AKAP10: variants seen among roughly 807,000 people sequenced by gnomAD.
AKAP10 encodes the protein A-kinase anchor protein 10, mitochondrial.
In AKAP10, 24 loss-of-function variants were observed where a neutral mutation model predicts 80.8. That is an observed-to-expected ratio of 0.30 (90% CI 0.22 to 0.42). The LOEUF (loss-of-function observed/expected upper bound fraction) is 0.42, where lower values mean the gene tolerates loss of function less well. Ranked by LOEUF, AKAP10 falls within the 10% of genes least tolerant of loss-of-function variation. AKAP10 has a pLI of 1.00. For missense variants in AKAP10, 661 were observed against 794.9 expected, an observed-to-expected ratio of 0.83 and a Z score of 2.03; for synonymous variants, 291 against 277.7, an observed-to-expected ratio of 1.05 and a Z score of -0.48.
chr17:19,948,512 A>C (rs2043161058), intron 4 of AKAP10, among the ~76,000 whole-genome samples: 1 of 152,132 alleles, frequency 6.6e-6, no homozygotes, highest in African/African-American at 2.4e-5. Flanking sequence ...AGCAGCTCCA[A>C]GAATCCTACT....
chr17:19,910,018 T>C (rs773890874), intron 12 of AKAP10, 40 bp from the exon 13 acceptor site: 1 of 1,589,848 alleles, frequency 6.3e-7, no homozygotes, highest in South Asian at 1.1e-5. Flanking sequence ...ATTTCATGCA[T>C]AATTTTACAT....
Position 19,904,868 on chromosome 17 carries a change from A to G in AKAP10, c.*1359T>C, listed in dbSNP as rs1348706902. The G allele has an allele frequency of 6.6e-6, 1 of 152,068 alleles. No homozygotes were observed. The highest frequency in any genetic ancestry group is 1.5e-5 in the Non-Finnish European group (1 of 68,018). The allele number at this position is 152,068 out of a possible 1,614,324, so 9.4% of individuals were successfully genotyped here. A position where few individuals can be genotyped will look rare whatever the true frequency, so the allele number is the denominator to read the frequency against. ...TTTAAAAGAATAACAGAGGTGGTACATAGTACCAAAAACTTACACAAAGCC... is the reference window on the plus strand; with the variant it reads ...TTTAAAAGAATAACAGAGGTGGTACGTAGTACCAAAAACTTACACAAAGCC... On this transcript the variant is annotated 3_prime_UTR_variant, in exon 15 of 15. Transcript: ENST00000225737.
intron 12 of AKAP10, among the ~76,000 whole-genome samples, chr17:19,912,613 G>A (rs977738296): frequency 6.6e-6 from 1 of 152,140 alleles, no homozygotes; most frequent in African/African-American, 2.4e-5. Flanking sequence ...AGCTACTCGA[G>A]AGGCTGAGGC....
At position 19,916,762 on chromosome 17, in the gene AKAP10, C is replaced by T. The variant is rs1370518295; in HGVS notation, c.1834+3274G>A. On this transcript the variant is annotated intron_variant, in intron 12 of 14. Coordinates refer to ENST00000225737, the MANE Select transcript of AKAP10 (RefSeq NM_007202.4). ...ACCATCCTGGCTAATGCGGTGAAAC[C>T]CCGTCTCTTCTAAAAATACAAAAAA... Among the ~76,000 whole-genome samples the T allele has an allele frequency of 1.2e-4, 18 of 150,498 alleles. No individual in the cohort carries two copies. In the Admixed American group the frequency reaches 1.2e-3, roughly 10 times the overall value.
intron 4 of AKAP10, among the ~76,000 whole-genome samples, chr17:19,952,984 G>A (rs1019882343): frequency 6.6e-6 from 1 of 152,014 alleles, no homozygotes. Context: ...TCTTTATACT[G>A]TATGTGGTAT....
At chr17:19,973,297 C>T (rs776009482) in intron 1 of AKAP10, among the ~76,000 whole-genome samples, 2 of 152,162 alleles carry the variant, frequency 1.3e-5, no homozygotes, top group Non-Finnish European at 1.5e-5. Flanking sequence ...AAAGTTTTAT[C>T]GTAGCACAGC....
At chr17:19,946,155 T>C (rs1336002690) in intron 5 of AKAP10, among the ~76,000 whole-genome samples, 2 of 114,376 alleles carry the variant, frequency 1.7e-5, no homozygotes, top group Non-Finnish European at 3.5e-5. Flanking sequence ...TTAGTATATA[T>C]ACTAATATAT....
intron 1 of AKAP10, among the ~76,000 whole-genome samples, chr17:19,969,988 G>C (rs765203876): frequency 8.5e-5 from 13 of 152,062 alleles, no homozygotes; most frequent in Non-Finnish European, 1.9e-4. Flanking sequence ...ATATACATCT[G>C]TATTTCCTGG....
intron 9 of AKAP10, among the ~76,000 whole-genome samples, chr17:19,932,960 G>A (rs1007267318): frequency 6.6e-6 from 1 of 152,128 alleles, no homozygotes; most frequent in South Asian, 2.1e-4. Flanking sequence ...ATAAACATGA[G>A]AACTTATTCA....
chr17:19,963,035 A>C lies in AKAP10; in HGVS notation c.137-13T>G. 1 of 1,587,740 alleles carries C rather than the reference A, an allele frequency of 6.3e-7. No individual in the cohort carries two copies. Among genetic ancestry groups the C allele is most frequent in the Non-Finnish European group, 8.6e-7 (1 of 1,161,200 alleles). ...ACGGATATTGAAGCTATAATTTTTC[A>C]AAAAATTGTTAAGAATTAAACACAA... On this transcript the variant is annotated splice_polypyrimidine_tract_variant and intron_variant, in intron 2 of 14. Coordinates refer to ENST00000225737, the MANE Select transcript of AKAP10 (RefSeq NM_007202.4).
intron 10 of AKAP10, chr17:19,929,374 C>A (rs1387837217): frequency 1.3e-5 from 2 of 152,142 alleles, no homozygotes; most frequent in Non-Finnish European, 2.9e-5. Context: ...GAAAAGAATA[C>A]ACAGTATGGT....
Position 19,977,736 on chromosome 17 carries a change from G to A in AKAP10, c.-57C>T. 3 of 1,114,392 alleles carry A rather than the reference G, an allele frequency of 2.7e-6. No individual in the cohort carries two copies. The highest frequency in any genetic ancestry group is 3.4e-6 in the Non-Finnish European group (3 of 877,832). 69.0% of individuals were successfully genotyped at this position (1,114,392 alleles called of 1,614,324 possible). On this transcript the variant is annotated 5_prime_UTR_variant, in exon 1 of 15. Transcript: ENST00000225737. ...GGGGCCGCTGCACTAGCGCGAAAAG[G>A]GACCCTTCTTCCGGGAGTGGGCCCC...
chr17:19,928,507 T>C (rs550112117), intron 10 of AKAP10, among the ~76,000 whole-genome samples: 5 of 152,128 alleles, frequency 3.3e-5, no homozygotes, highest in African/African-American at 9.7e-5. Context: ...CGGAAAACAA[T>C]CTGGCAGTTT....
intron 14 of AKAP10, among the ~76,000 whole-genome samples, chr17:19,906,472 A>G (rs1780109761): frequency 6.6e-6 from 1 of 152,246 alleles, no homozygotes; most frequent in Admixed American, 6.5e-5. Flanking sequence ...AAGGACTGGC[A>G]TCCAGACTTG....
intron 1 of AKAP10, among the ~76,000 whole-genome samples, chr17:19,972,538 C>A (rs1364716831): frequency 1.3e-5 from 2 of 152,192 alleles, no homozygotes; most frequent in East Asian, 3.9e-4. Flanking sequence ...TCACTGCAAG[C>A]TTCGCCTCCC....
intron 11 of AKAP10, among the ~76,000 whole-genome samples, chr17:19,923,404 C>T (rs2042839885): frequency 6.6e-6 from 1 of 151,686 alleles, no homozygotes; most frequent in Non-Finnish European, 1.5e-5. Context: ...AAAAGAAGAA[C>T]TAAAAATCAC....
chr17:19,930,363 T>C (rs2042919185), intron 10 of AKAP10, among the ~76,000 whole-genome samples: 1 of 152,160 alleles, frequency 6.6e-6, no homozygotes, highest in South Asian at 2.1e-4. Flanking sequence ...TAGGATATTC[T>C]ACTTTGTGTG....
intron 1 of AKAP10, among the ~76,000 whole-genome samples, chr17:19,970,023 T>G (rs1362092137): frequency 2.0e-5 from 3 of 152,182 alleles, no homozygotes; most frequent in Non-Finnish European, 4.4e-5. Context: ...TCTTAAGGCT[T>G]ACAATACCAT....
At position 19,939,624 on chromosome 17, in the gene AKAP10, CAG is replaced by C. The variant is rs1324455782; in HGVS notation, c.1322+87_1322+88del. On this transcript the variant is annotated intron_variant, in intron 8 of 14. Coordinates refer to ENST00000225737, the MANE Select transcript of AKAP10 (RefSeq NM_007202.4). ...CTGCCTCCTGTGAGCTCCTTGACAACAGAGACTGAGTTTATTCATCTTTATTT... is the reference window on the plus strand; with the variant it reads ...CTGCCTCCTGTGAGCTCCTTGACAACAGACTGAGTTTATTCATCTTTATTT... 27 of 1,467,480 alleles carry C rather than the reference CAG, an allele frequency of 1.8e-5. 1 individual carries two copies. Among genetic ancestry groups the C allele is most frequent in the Middle Eastern group, 3.7e-4 (2 of 5,400 alleles). The allele number at this position is 1,467,480 out of a possible 1,614,324, so 90.9% of individuals were successfully genotyped here.
Sources: gnomAD v4.1 joint callset for allele counts (sites outside exome capture counted in the v4.1 genomes callset) on GRCh38, gnomAD v4.1.1 for gene constraint, MANE v1.5 for transcripts, NCBI Gene and HGNC (gene_info 2026-07-23, HGNC 2026-07-21) for gene names.